The following ASTN2 variants were observed in gnomAD, a reference collection of about 807,000 sequenced individuals.
The protein encoded by ASTN2 is astrotactin 2.
Under a neutral mutation model 139.8 loss-of-function variants are expected in ASTN2, and 54 were observed. The ratio of observed to expected loss-of-function variants is 0.39; its 90% CI spans 0.31 to 0.48. The LOEUF is 0.48. Ranked by LOEUF, ASTN2 falls within the 20% of genes least tolerant of loss-of-function variation. The pLI is 0.95. For synonymous variants in ASTN2, 756 were observed against 719.5 expected (o/e 1.05, Z -0.81); for missense variants, 1,565 against 1,725.1 (o/e 0.91, Z 1.64).
At chr9:116,868,551 C>T (rs1833075827) in intron 10 of ASTN2, among the ~76,000 whole-genome samples, 1 of 152,194 alleles carries the variant, frequency 6.6e-6, no homozygotes, top group African/African-American at 2.4e-5. Context: ...CTGGGCCATG[C>T]ATGTGGTCCA....
intron 19 of ASTN2, among the ~76,000 whole-genome samples, chr9:116,565,497 G>A (rs575764847): frequency 6.6e-4 from 96 of 145,336 alleles, no homozygotes; most frequent in Non-Finnish European, 1.2e-3. Context: ...GTGTGATATC[G>A]GCTCACTGCA....
intron 10 of ASTN2, among the ~76,000 whole-genome samples, chr9:116,943,964 A>C (rs973045731): frequency 1.4e-4 from 22 of 152,124 alleles, no homozygotes; most frequent in African/African-American, 5.1e-4. Flanking sequence ...TCACAGGTGC[A>C]CTTGTTCATT....
chr9:116,945,466 A>G (rs1263183017), intron 10 of ASTN2, among the ~76,000 whole-genome samples: 1 of 152,182 alleles, frequency 6.6e-6, no homozygotes, highest in Admixed American at 6.5e-5. Context: ...AGGGCAGGAT[A>G]CCAAAGTTAA....
chr9:116,839,122 A>C (rs7849242), intron 11 of ASTN2, among the ~76,000 whole-genome samples: 36,059 of 151,926 alleles, frequency 0.24, 4,929 homozygotes, highest in East Asian at 0.5. Flanking sequence ...TGCCTCAAAA[A>C]TTATGGTAAA....
chr9:116,678,652 A>G (rs1368588710), intron 16 of ASTN2, among the ~76,000 whole-genome samples: 1 of 152,188 alleles, frequency 6.6e-6, no homozygotes, highest in African/African-American at 2.4e-5. Context: ...TGTAAAAAAC[A>G]TTCTGTGGGT....
rs1379513348 is a variant in ASTN2, at chr9:116,490,075, A to C, written c.3356-2575T>G. On this transcript the variant is annotated intron_variant, in intron 19 of 22. Coordinates refer to ENST00000313400, the MANE Select transcript of ASTN2 (RefSeq NM_001365068.1). ...AGAGTAAAGCCAAGGGTCTAGAAAG[A>C]AACAAAGATGCCTAGAACCAGAGGT... Among the ~76,000 whole-genome samples the C allele has an allele frequency of 3.3e-5, 5 of 152,002 alleles. No homozygotes were observed. The East Asian group carries it at 9.6e-4, about 29-fold the overall frequency.
rs10983644 is a variant in ASTN2, at chr9:117,394,582, T to C, written c.442+19915A>G. On this transcript the variant is annotated intron_variant, in intron 1 of 22. Transcript: ENST00000313400. ...GGAAAGCGGGAGGAGAAATAAGGAA[T>C]GAATGTTTCTGTGAGGAAAGTAGCT... Among the ~76,000 whole-genome samples the C allele has an allele frequency of 3.3e-3, 498 of 152,300 alleles. 3 individuals carry two copies. The highest frequency in any genetic ancestry group is 8.3e-3 in the Admixed American group (127 of 15,292).
intron 20 of ASTN2, among the ~76,000 whole-genome samples, chr9:116,469,950 A>C (rs77296069): frequency 0.037 from 5,572 of 152,104 alleles, 327 homozygotes; most frequent in African/African-American, 0.13. Context: ...CACGTCTGTA[A>C]TCACAGCACT....
intron 3 of ASTN2, among the ~76,000 whole-genome samples, chr9:117,179,539 T>C (rs890728636): frequency 6.6e-6 from 1 of 152,216 alleles, no homozygotes; most frequent in Admixed American, 6.5e-5. Context: ...AGCAATATTC[T>C]TCTGGCTCCT....
chr9:117,156,073 G>A (rs1418740319), intron 3 of ASTN2, among the ~76,000 whole-genome samples: 1 of 152,030 alleles, frequency 6.6e-6, no homozygotes, highest in African/African-American at 2.4e-5. Flanking sequence ...AAGACTCTAA[G>A]GGAGTAGAAG....
intron 20 of ASTN2, among the ~76,000 whole-genome samples, chr9:116,471,171 T>C (rs748084146): frequency 9.9e-5 from 15 of 152,094 alleles, no homozygotes; most frequent in Non-Finnish European, 1.8e-4. Context: ...ATAGATATGA[T>C]TAAGAAAGAT....
At chr9:116,674,249 G>T (rs1859369549) in intron 16 of ASTN2, among the ~76,000 whole-genome samples, 1 of 152,150 alleles carries the variant, frequency 6.6e-6, no homozygotes, top group Admixed American at 6.5e-5. Context: ...ATCAATACTT[G>T]CCAGGTTCTG....
intron 5 of ASTN2, among the ~76,000 whole-genome samples, chr9:117,047,971 T>C (rs376317184): frequency 1.2e-4 from 19 of 152,328 alleles, no homozygotes; most frequent in East Asian, 9.6e-4. Flanking sequence ...AGAAACTTCA[T>C]GATATTGTTT....
intron 1 of ASTN2, among the ~76,000 whole-genome samples, chr9:117,359,652 T>C (rs1829640314): frequency 6.6e-6 from 1 of 152,182 alleles, no homozygotes; most frequent in South Asian, 2.1e-4. Context: ...GGGAGTCTTC[T>C]GATCAGTAGC....
At chr9:117,148,917 T>C (rs990764149) in intron 3 of ASTN2, among the ~76,000 whole-genome samples, 2 of 152,184 alleles carry the variant, frequency 1.3e-5, no homozygotes, top group African/African-American at 4.8e-5. Context: ...CAACTCTTCC[T>C]TGGGTCTTTA....
At chr9:116,856,956 G>C (rs948616643) in intron 11 of ASTN2, among the ~76,000 whole-genome samples, 1 of 152,138 alleles carries the variant, frequency 6.6e-6, no homozygotes, top group African/African-American at 2.4e-5. Flanking sequence ...ACTTCCCTTA[G>C]TCCTTTCTAT....
chr9:116,505,029 C>A (rs781217171), intron 19 of ASTN2, among the ~76,000 whole-genome samples: 18 of 151,904 alleles, frequency 1.2e-4, no homozygotes, highest in African/African-American at 2.7e-4. Context: ...GGTTAAATTG[C>A]GCAACTGAGA....
intron 3 of ASTN2, among the ~76,000 whole-genome samples, chr9:117,176,725 G>T (rs549903869): frequency 2.0e-5 from 3 of 152,258 alleles, no homozygotes; most frequent in African/African-American, 7.2e-5. Flanking sequence ...TCAAGGCCAG[G>T]AGTTCAAGAC....
At chr9:117,062,025 T>C (rs371339672) in intron 5 of ASTN2, among the ~76,000 whole-genome samples, 2 of 152,324 alleles carry the variant, frequency 1.3e-5, no homozygotes, top group East Asian at 3.9e-4. Context: ...CAAGGCCATA[T>C]AGCTGGTAAG....
Sources: allele counts gnomAD v4.1 joint callset (sites outside exome capture counted in the v4.1 genomes callset), GRCh38; gene constraint gnomAD v4.1.1; transcripts MANE v1.5; gene names NCBI Gene and HGNC (gene_info 2026-07-23, HGNC 2026-07-21).